Variants in PAN3 observed in about 807,000 individuals in gnomAD.
PAN3 encodes poly(A) specific ribonuclease subunit PAN3.
In PAN3, 19 loss-of-function variants were observed where a neutral mutation model predicts 96.2. The ratio of observed to expected loss-of-function variants is 0.20; its 90% confidence interval spans 0.14 to 0.29. The LOEUF (loss-of-function observed/expected upper bound fraction) is 0.29, where lower values mean the gene tolerates loss of function less well. PAN3 is among the 10% of genes least tolerant of loss of function. PAN3 has a pLI of 1.00. For synonymous variants in PAN3, 433 were observed against 406.6 expected, an observed-to-expected ratio of 1.06 and a Z score of -0.78; for missense variants, 882 against 1,108.1, an observed-to-expected ratio of 0.80 and a Z score of 2.90.
At chr13:28,241,867 G>C (rs1268917750) in intron 6 of PAN3, among the ~76,000 whole-genome samples, 1 of 151,624 alleles carries the variant, frequency 6.6e-6, no homozygotes, top group African/African-American at 2.4e-5. Flanking sequence ...TTGTTATTAA[G>C]AAGATAATGC....
At chr13:28,227,036 G>T (rs2138416892) in intron 6 of PAN3, among the ~76,000 whole-genome samples, 1 of 152,296 alleles carries the variant, frequency 6.6e-6, no homozygotes, top group Admixed American at 6.5e-5. Context: ...GCTCATCCTA[G>T]AAGGAAGCTC....
At chr13:28,167,161 C>T (rs1169675623) in intron 1 of PAN3, among the ~76,000 whole-genome samples, 1 of 145,206 alleles carries the variant, frequency 6.9e-6, no homozygotes, top group East Asian at 2.0e-4. Context: ...CAAAAGGTCG[C>T]TTGATCATGC....
intron 5 of PAN3, chr13:28,214,571 A>G: frequency 2.6e-6 from 1 of 379,282 alleles, no homozygotes; most frequent in South Asian, 2.4e-5. Context: ...GATTCAAGGC[A>G]AGTCCACCAC....
intron 2 of PAN3, among the ~76,000 whole-genome samples, chr13:28,175,604 C>T (rs992347117): frequency 6.6e-6 from 1 of 152,102 alleles, no homozygotes; most frequent in Non-Finnish European, 1.5e-5. Flanking sequence ...TTGTATGAAA[C>T]CAATGCTTTT....
intron 17 of PAN3, among the ~76,000 whole-genome samples, chr13:28,287,316 T>A (rs980200533): frequency 1.3e-5 from 2 of 152,234 alleles, no homozygotes. Context: ...CACAGTTTGA[T>A]CTGGGAAGCA....
chr13:28,204,995 A>T (rs747453675), intron 5 of PAN3, among the ~76,000 whole-genome samples: 1 of 151,842 alleles, frequency 6.6e-6, no homozygotes, highest in Non-Finnish European at 1.5e-5. Context: ...ATTAAATGGC[A>T]TTTTTTGTAA....
At chr13:28,277,915 A>G (rs972281842) in intron 15 of PAN3, among the ~76,000 whole-genome samples, 1 of 152,242 alleles carries the variant, frequency 6.6e-6, no homozygotes. Context: ...ACACTCCAGT[A>G]TCTTAACGCT....
Position 28,220,086 on chromosome 13 carries a change from C to A in PAN3, c.853-145C>A, listed in dbSNP as rs913981960. The A allele has an allele frequency of 4.2e-5, 32 of 755,476 alleles. 1 individual carries two copies. The highest frequency in any genetic ancestry group is 6.3e-5 in the Non-Finnish European group (32 of 506,426). The allele number at this position is 755,476 out of a possible 1,614,324, so 46.8% of individuals were successfully genotyped here. A position where few individuals can be genotyped will look rare whatever the true frequency, so the allele number is the denominator to read the frequency against. ...TTTAAGAAATATAATTATGACACAC[C>A]AAAATATGGAACCGAAAACACTTGT... is the stretch of plus-strand genomic sequence containing the variant. On this transcript the variant is annotated intron_variant, in intron 5 of 18. Coordinates refer to ENST00000380958, the MANE Select transcript of PAN3 (RefSeq NM_175854.8).
intron 1 of PAN3, among the ~76,000 whole-genome samples, chr13:28,143,436 C>G (rs2137919375): frequency 6.6e-6 from 1 of 152,192 alleles, no homozygotes; most frequent in South Asian, 2.1e-4. Flanking sequence ...GTAAAATATG[C>G]CAATATTTGT....
At chr13:28,173,818 G>T (rs1327188513) in intron 1 of PAN3, among the ~76,000 whole-genome samples, 1 of 152,122 alleles carries the variant, frequency 6.6e-6, no homozygotes, top group Admixed American at 6.5e-5. Flanking sequence ...TGCTACCTCT[G>T]CAGATTTTTT....
chr13:28,223,246 G>A (rs866714853), intron 6 of PAN3, among the ~76,000 whole-genome samples: 2 of 152,130 alleles, frequency 1.3e-5, no homozygotes, highest in Admixed American at 6.5e-5. Flanking sequence ...TTTTTAAAAA[G>A]CGTTAAAATT....
At chr13:28,203,073 C>T (rs993720899) in intron 5 of PAN3, among the ~76,000 whole-genome samples, 4 of 151,586 alleles carry the variant, frequency 2.6e-5, no homozygotes, top group Admixed American at 1.3e-4. Context: ...AGCGATGCTC[C>T]CTCTTCAGCC....
intron 6 of PAN3, among the ~76,000 whole-genome samples, chr13:28,225,116 C>CT (rs1881856935): frequency 6.6e-6 from 1 of 151,934 alleles, no homozygotes. Context: ...AAAGTCATTT[C>CT]TTATATATTC....
At chr13:28,239,095 C>G (rs947906877) in intron 6 of PAN3, among the ~76,000 whole-genome samples, 3 of 151,178 alleles carry the variant, frequency 2.0e-5, no homozygotes, top group African/African-American at 7.3e-5. Context: ...CAGAGTTACT[C>G]TAGATATCCA....
At chr13:28,191,000 C>T (rs1020587583) in intron 4 of PAN3, among the ~76,000 whole-genome samples, 1 of 152,114 alleles carries the variant, frequency 6.6e-6, no homozygotes, top group African/African-American at 2.4e-5. Context: ...TGGGACTGGT[C>T]AGGCTATCAA....
Position 28,181,296 on chromosome 13 carries a change from G to T in PAN3, c.690+3361G>T, listed in dbSNP as rs544096603. 4.0e-3 allele frequency among the ~76,000 whole-genome samples: 610 copies of T among 152,074 alleles called. 7 individuals carry two copies. Among genetic ancestry groups the T allele is most frequent in the African/African-American group, 0.014 (582 of 41,506 alleles). On this transcript the variant is annotated intron_variant, in intron 4 of 18. Transcript: ENST00000380958. ...GGCTGAGGCTCGAGAATCACTTGAG[G>T]TCAGGAGTTCAAGACTAGCCTGGAC...
intron 7 of PAN3, among the ~76,000 whole-genome samples, chr13:28,260,050 A>G (rs1395025210): frequency 1.3e-5 from 2 of 152,188 alleles, no homozygotes; most frequent in African/African-American, 2.4e-5. Flanking sequence ...ATTTATTGCT[A>G]TCATGTAAAG....
intron 18 of PAN3, among the ~76,000 whole-genome samples, chr13:28,288,511 C>T (rs989801604): frequency 1.9e-4 from 29 of 152,130 alleles, no homozygotes; most frequent in Non-Finnish European, 3.8e-4. Flanking sequence ...AGGCTGGTCT[C>T]GAACTCCTCA....
At chr13:28,175,740 T>C (rs940573637) in intron 2 of PAN3, among the ~76,000 whole-genome samples, 2 of 152,244 alleles carry the variant, frequency 1.3e-5, no homozygotes, top group Non-Finnish European at 2.9e-5. Flanking sequence ...TGCATAGTTA[T>C]ACCTTATTTT....
Sources: allele counts gnomAD v4.1 joint callset (sites outside exome capture counted in the v4.1 genomes callset), GRCh38; gene constraint gnomAD v4.1.1; transcripts MANE v1.5; gene names NCBI Gene and HGNC (gene_info 2026-07-23, HGNC 2026-07-21).